The following TMED3 variants were observed in gnomAD, a reference collection of about 807,000 sequenced individuals.
TMED3 encodes the protein transmembrane p24 trafficking protein 3.
TMED3 carries 9 observed loss-of-function variants against 15.0 expected under a neutral mutation model. The observed-to-expected ratio is 0.60, with a 90% CI of 0.36 to 1.04. The LOEUF (loss-of-function observed/expected upper bound fraction) is 1.04. TMED3 is among the 50% of genes least tolerant of loss of function. The pLI is 0.01. For synonymous variants in TMED3, 117 were observed against 121.4 expected (o/e 0.96, Z 0.24); for missense variants, 267 against 278.9 (o/e 0.96, Z 0.30).
rs570706638 is a variant in TMED3, at chr15:79,333,178, G to A, written c.417+19173G>A. On this transcript the variant is annotated intron_variant, in intron 2 of 2. Coordinates refer to the TMED3 transcript ENST00000424155. ...GACTTTACCTGGTACAGGTCTACTG[G>A]GGAGACCATTCCCCTGTGACATTTA... Among the ~76,000 whole-genome samples, 7 of 152,316 alleles carry A rather than the reference G, an allele frequency of 4.6e-5. No individual in the cohort carries two copies. In the South Asian group the frequency reaches 1.4e-3, roughly 32 times the overall value.
chr15:79,380,328 C>A (rs950017001), intron 2 of TMED3, among the ~76,000 whole-genome samples: 1 of 150,184 alleles, frequency 6.7e-6, no homozygotes, highest in Admixed American at 6.7e-5. Context: ...CCAGCCTGGG[C>A]GACAGAGCGA....
At chr15:79,363,244 G>C (rs1162117446) in intron 2 of TMED3, among the ~76,000 whole-genome samples, 1 of 151,976 alleles carries the variant, frequency 6.6e-6, no homozygotes, top group Non-Finnish European at 1.5e-5. Flanking sequence ...AGAAAATATA[G>C]GTAATTGTTA....
At chr15:79,404,134 A>G (rs1893870823) in intron 2 of TMED3, among the ~76,000 whole-genome samples, 1 of 152,228 alleles carries the variant, frequency 6.6e-6, no homozygotes, top group South Asian at 2.1e-4. Flanking sequence ...ATTCTATGCC[A>G]TTAAACCTGG....
At chr15:79,337,438 G>A (rs943577394) in intron 2 of TMED3, among the ~76,000 whole-genome samples, 2 of 151,988 alleles carry the variant, frequency 1.3e-5, no homozygotes, top group Admixed American at 6.5e-5. Flanking sequence ...GAATTTGGGG[G>A]AAAAACAAAA....
At chr15:79,367,380 A>T (rs1355688312) in intron 2 of TMED3, among the ~76,000 whole-genome samples, 1 of 152,310 alleles carries the variant, frequency 6.6e-6, no homozygotes, top group African/African-American at 2.4e-5. Flanking sequence ...GGAGGTTTTT[A>T]TTTGTAGGGC....
intron 2 of TMED3, among the ~76,000 whole-genome samples, chr15:79,368,340 G>T (rs1473230529): frequency 6.6e-6 from 1 of 152,106 alleles, no homozygotes; most frequent in Admixed American, 6.5e-5. Context: ...AACATACTTT[G>T]CTGGCAGCAG....
chr15:79,385,885 A>G (rs1040833576), intron 2 of TMED3, among the ~76,000 whole-genome samples: 14 of 152,232 alleles, frequency 9.2e-5, no homozygotes, highest in African/African-American at 2.9e-4. Flanking sequence ...AGCCTCTGCC[A>G]TCATTAGGTA....
intron 2 of TMED3, among the ~76,000 whole-genome samples, chr15:79,400,447 C>A (rs1893818685): frequency 6.6e-6 from 1 of 152,178 alleles, no homozygotes; most frequent in South Asian, 2.1e-4. Context: ...ACCTTCACTT[C>A]CCCAATGCCT....
In TMED3 at chr15:79,322,567, G is replaced by C. The variant is rs760852543; in HGVS notation, c.*353G>C. On this transcript the variant is annotated 3_prime_UTR_variant, in exon 3 of 3. Transcript: ENST00000299705. ...TTGGGCAGCTTAGGGCCCTGCCTCT[G>C]TTTCATGATGCATGGGTCATTTGTC... 68 of 1,081,478 alleles carry C rather than the reference G, an allele frequency of 6.3e-5. No individual in the cohort carries two copies. The Admixed American group carries it at 6.4e-4, about 10-fold the overall frequency. The allele number at this position is 1,081,478 out of a possible 1,614,324, so 67.0% of individuals were successfully genotyped here. A position where few individuals can be genotyped will look rare whatever the true frequency, so the allele number is the denominator to read the frequency against.
intron 2 of TMED3, chr15:79,384,047 T>C (rs529831308): frequency 6.6e-6 from 1 of 152,278 alleles, no homozygotes; most frequent in Admixed American, 6.5e-5. Context: ...CAAGCAAAAC[T>C]GTGGGAGGAA....
At chr15:79,368,358 G>T (rs1032815483) in intron 2 of TMED3, among the ~76,000 whole-genome samples, 3 of 152,208 alleles carry the variant, frequency 2.0e-5, no homozygotes, top group Admixed American at 6.5e-5. Flanking sequence ...CAGATTGGAA[G>T]TTGGAAGTGT....
At chr15:79,327,382 G>A (rs2058791214), downstream of TMED3, among the ~76,000 whole-genome samples, 2 of 152,192 alleles carry the variant, frequency 1.3e-5, no homozygotes, top group Non-Finnish European at 2.9e-5. Flanking sequence ...CACCCAATCT[G>A]TGGTATTCTG....
chr15:79,388,315 T>C (rs963353574), intron 2 of TMED3, among the ~76,000 whole-genome samples: 7 of 152,192 alleles, frequency 4.6e-5, no homozygotes, highest in African/African-American at 1.7e-4. Flanking sequence ...GAGCTTATCT[T>C]TAACCATTAA....
chr15:79,315,369 G>A (rs2058736239), intron 2 of TMED3, among the ~76,000 whole-genome samples: 1 of 152,192 alleles, frequency 6.6e-6, no homozygotes, highest in African/African-American at 2.4e-5. Flanking sequence ...TCCAAAACTG[G>A]GTTTGATCTT....
intron 1 of TMED3, among the ~76,000 whole-genome samples, chr15:79,312,888 C>T (rs867496473): frequency 2.0e-5 from 3 of 152,122 alleles, no homozygotes; most frequent in East Asian, 1.9e-4. Flanking sequence ...GTTATTGGAA[C>T]GGAGAAGCAG....
downstream of TMED3, among the ~76,000 whole-genome samples, chr15:79,327,018 G>T (rs1436107790): frequency 6.6e-6 from 1 of 152,124 alleles, no homozygotes; most frequent in Non-Finnish European, 1.5e-5. Flanking sequence ...AGAGCGGTGA[G>T]GTGCCAGGCC....
intron 2 of TMED3, among the ~76,000 whole-genome samples, chr15:79,377,270 ATGTGTGTGTGTGTG>A (rs56891639): frequency 6.9e-6 from 1 of 145,488 alleles, no homozygotes; most frequent in African/African-American, 2.6e-5. Context: ...GAGTGTGTGC[ATGTGTGTGTGTGTG>A]TGTGTGTGTG....
chr15:79,350,652 T>A lies in TMED3; in HGVS notation c.417+36647T>A, dbSNP rs188219530. Among the ~76,000 whole-genome samples the A allele has an allele frequency of 5.3e-5, 8 of 152,246 alleles. No individual in the cohort carries two copies. The East Asian group carries it at 1.5e-3, about 29-fold the overall frequency. On this transcript the variant is annotated intron_variant, in intron 2 of 2. Coordinates refer to the TMED3 transcript ENST00000424155. ...TTGAGGGTGGGTCTGCCTGTCCCAGTTCACAGACTCAAATGTTAATCTCCT... is the reference window on the plus strand; with the variant it reads ...TTGAGGGTGGGTCTGCCTGTCCCAGATCACAGACTCAAATGTTAATCTCCT...
intron 2 of TMED3, among the ~76,000 whole-genome samples, chr15:79,411,125 T>A (rs1893972921): frequency 6.6e-6 from 1 of 152,150 alleles, no homozygotes; most frequent in African/African-American, 2.4e-5. Flanking sequence ...ATTAGGTAAC[T>A]CACCCGGGGT....
Sources: gnomAD v4.1 joint callset for allele counts (sites outside exome capture counted in the v4.1 genomes callset) on GRCh38, gnomAD v4.1.1 for gene constraint, MANE v1.5 for transcripts, NCBI Gene and HGNC (gene_info 2026-07-23, HGNC 2026-07-21) for gene names.